The following VEGFC variants were observed in gnomAD, a reference collection of about 807,000 sequenced individuals.
VEGFC encodes the protein FLT4 ligand DHM.
VEGFC carries 12 observed loss-of-function variants against 46.1 expected under a neutral mutation model. The ratio of observed to expected loss-of-function variants is 0.26; its 90% CI spans 0.17 to 0.42. VEGFC has a LOEUF of 0.42. Ranked by LOEUF, VEGFC falls within the 10% of genes least tolerant of loss-of-function variation. VEGFC has a pLI of 1.00. For missense variants in VEGFC, 488 were observed against 529.4 expected (o/e 0.92, Z 0.77); for synonymous variants, 232 against 195.5 (o/e 1.19, Z -1.56).
intron 6 of VEGFC, among the ~76,000 whole-genome samples, chr4:176,685,816 A>G (rs1734032539): frequency 6.6e-6 from 1 of 152,160 alleles, no homozygotes; most frequent in Admixed American, 6.5e-5. Context: ...TTTGCAGTAT[A>G]AGGGAAGAAA....
chr4:176,780,031 G>A (rs1735884738), intron 1 of VEGFC, among the ~76,000 whole-genome samples: 1 of 152,142 alleles, frequency 6.6e-6, no homozygotes, highest in Admixed American at 6.5e-5. Flanking sequence ...GGAACTTGTT[G>A]CAGTTCTTAG....
Position 176,729,733 on chromosome 4 carries a change from T to C in VEGFC, c.161A>G (p.Lys54Arg). Residue 54 changes from lysine (K) to arginine (R), a missense_variant, in exon 2 of 7, where the codon AAA becomes AGA. Lys to Arg is a conservative substitution (Grantham distance 26). Transcript: ENST00000618562. ...DAGEATAYAS[K>R]DLEEQLRSVS... ...AGACCGTAACTGCTCCTCCAGATCT[T>C]TGCTTGCATAAGCCTGTCAAAGAAA... The C allele has an allele frequency of 1.3e-6, 2 of 1,594,030 alleles. No homozygotes were observed. Among genetic ancestry groups the C allele is most frequent in the Non-Finnish European group, 1.7e-6 (2 of 1,170,466 alleles).
chr4:176,741,262 T>G (rs1347636200), intron 1 of VEGFC, among the ~76,000 whole-genome samples: 1 of 152,032 alleles, frequency 6.6e-6, no homozygotes, highest in African/African-American at 2.4e-5. Flanking sequence ...AAAAAAATGT[T>G]TGTGCTAATT....
At position 176,740,117 on chromosome 4, in the gene VEGFC, A is replaced by AAG. The variant is rs1376750027; in HGVS notation, c.148-10372_148-10371insCT. On this transcript the variant is annotated intron_variant, in intron 1 of 6. Coordinates refer to ENST00000618562, the MANE Select transcript of VEGFC (RefSeq NM_005429.5). ...TTCTATACATATATTCTATATATAT[A>AAG]TTCTATATATAGAATATATAACTAT... 3.2e-4 allele frequency among the ~76,000 whole-genome samples: 41 copies of AAG among 126,764 alleles called. 3 individuals carry two copies. The highest frequency in any genetic ancestry group is 1.2e-3 in the African/African-American group (40 of 33,840). 83.2% of individuals were successfully genotyped at this position (126,764 alleles called of 152,430 possible).
At chr4:176,739,188 C>T (rs1380398049) in intron 1 of VEGFC, among the ~76,000 whole-genome samples, 1 of 151,528 alleles carries the variant, frequency 6.6e-6, no homozygotes, top group East Asian at 2.0e-4. Context: ...AAAAAGGAAC[C>T]CTTTACACTG....
intron 1 of VEGFC, among the ~76,000 whole-genome samples, chr4:176,753,055 G>C (rs1735366728): frequency 6.6e-6 from 1 of 152,084 alleles, no homozygotes; most frequent in Non-Finnish European, 1.5e-5. Context: ...CCTACAAGGA[G>C]GAGAAATTTT....
chr4:176,792,073 GCA>G lies in VEGFC; in HGVS notation c.147+90_147+91del. 18 of 1,390,450 alleles carry G rather than the reference GCA, an allele frequency of 1.3e-5. No individual in the cohort carries two copies. In the South Asian group the frequency reaches 3.3e-4, roughly 25 times the overall value. The allele number at this position is 1,390,450 out of a possible 1,614,324, so 86.1% of individuals were successfully genotyped here. On this transcript the variant is annotated intron_variant, in intron 1 of 6. Transcript: ENST00000618562. The surrounding 1 kb of genome is among the most constrained non-coding windows in gnomAD (Gnocchi z 6.3). ...TGGATCCCACGTACACAAGCTTAAA[GCA>G]CACACACTTTCCCCCGCGCAGGTTC...
chr4:176,741,866 TCTC>T (rs570210823), intron 1 of VEGFC, among the ~76,000 whole-genome samples: 167 of 152,098 alleles, frequency 1.1e-3, no homozygotes, highest in Non-Finnish European at 2.1e-3. Flanking sequence ...GTTGTTTTTT[TCTC>T]CTCCTCCTTC....
At chr4:176,706,774 C>G (rs1412264223) in intron 4 of VEGFC, among the ~76,000 whole-genome samples, 2 of 151,958 alleles carry the variant, frequency 1.3e-5, no homozygotes, top group Non-Finnish European at 2.9e-5. Context: ...ATAACATGCT[C>G]CTATTTTGAA....
At chr4:176,691,308 T>G (rs977361465) in intron 4 of VEGFC, among the ~76,000 whole-genome samples, 2 of 152,188 alleles carry the variant, frequency 1.3e-5, no homozygotes, top group Non-Finnish European at 2.9e-5. Flanking sequence ...ACTTTAAAGG[T>G]TTATAATTAT....
chr4:176,727,882 T>C lies in VEGFC; in HGVS notation c.448A>G (p.Thr150Ala). 1.2e-6 allele frequency: 2 copies of C among 1,613,922 alleles called. No homozygotes were observed. Among genetic ancestry groups the C allele is most frequent in the Non-Finnish European group, 8.5e-7 (1 of 1,179,948 alleles). ...GACACACATGGAGGTTTAAAGAAGGTGTTTGTCGCGACTCCAAACTCCTTC... is the reference window on the plus strand; with the variant it reads ...GACACACATGGAGGTTTAAAGAAGGCGTTTGTCGCGACTCCAAACTCCTTC... Reference protein sequence around the residue: ...VGKEFGVATNTFFKPPCVSVY... With the variant: ...VGKEFGVATNAFFKPPCVSVY... Residue 150 changes from threonine (T) to alanine (A), a missense_variant, in exon 3 of 7, where the codon ACC (threonine) becomes GCC (alanine). Transcript: ENST00000618562.
At chr4:176,737,900 C>G (rs146771579) in intron 1 of VEGFC, among the ~76,000 whole-genome samples, 1 of 151,830 alleles carries the variant, frequency 6.6e-6, no homozygotes, top group Non-Finnish European at 1.5e-5. Context: ...TCTTCAGTTG[C>G]TGAATAAAGG....
chr4:176,689,608 T>G (rs1175336241), intron 4 of VEGFC: 1 of 152,250 alleles, frequency 6.6e-6, no homozygotes, highest in Non-Finnish European at 1.5e-5. Flanking sequence ...CAATGACTGA[T>G]TTGACCTTTC....
chr4:176,773,877 T>C (rs1735763992), intron 1 of VEGFC, among the ~76,000 whole-genome samples: 1 of 152,096 alleles, frequency 6.6e-6, no homozygotes, highest in Non-Finnish European at 1.5e-5. Flanking sequence ...TTTATTTTTG[T>C]AGAGATGGGG....
At chr4:176,703,652 T>A (rs1038830751) in intron 4 of VEGFC, among the ~76,000 whole-genome samples, 1 of 152,100 alleles carries the variant, frequency 6.6e-6, no homozygotes, top group East Asian at 1.9e-4. Context: ...AAAGAAATGA[T>A]AAATGTTTGA....
Position 176,729,762 on chromosome 4 carries a change from G to A in VEGFC, c.148-16C>T, listed in dbSNP as rs781587488. ...TTGCATAAGCCTGTCAAAGAAAAATGCAAGATCAATGACTTACCAGCTTAA... is the reference window on the plus strand; with the variant it reads ...TTGCATAAGCCTGTCAAAGAAAAATACAAGATCAATGACTTACCAGCTTAA... On this transcript the variant is annotated splice_polypyrimidine_tract_variant and intron_variant, in intron 1 of 6. Coordinates refer to ENST00000618562, the MANE Select transcript of VEGFC (RefSeq NM_005429.5). 1.9e-5 allele frequency: 30 copies of A among 1,554,788 alleles called. 1 individual carries two copies. The South Asian group carries it at 3.6e-4, about 18-fold the overall frequency.
Position 176,782,104 on chromosome 4 carries a change from G to C in VEGFC, c.147+10061C>G, listed in dbSNP as rs186024182. 3.5e-3 allele frequency among the ~76,000 whole-genome samples: 526 copies of C among 152,270 alleles called. 5 individuals are homozygous for C. Among genetic ancestry groups the C allele is most frequent in the Admixed American group, 7.9e-3 (120 of 15,282 alleles). On this transcript the variant is annotated intron_variant, in intron 1 of 6. Coordinates refer to ENST00000618562, the MANE Select transcript of VEGFC (RefSeq NM_005429.5). ...CAAGACTGTTTCTTCTACATAAAAA[G>C]AATATTAAATAAGCAGTTATTTGAA...
Position 176,787,816 on chromosome 4 carries a change from A to G in VEGFC, c.147+4349T>C, listed in dbSNP as rs370558010. 1.1e-4 allele frequency among the ~76,000 whole-genome samples: 16 copies of G among 152,316 alleles called. 1 individual carries two copies. Among genetic ancestry groups the G allele is most frequent in the African/African-American group, 3.8e-4 (16 of 41,566 alleles). ...TATTTATAGTAAATTTTATAATTAC[A>G]CTATAACTCAAACTCATCAGCATCT... On this transcript the variant is annotated intron_variant, in intron 1 of 6. Transcript: ENST00000618562.
At chr4:176,685,768 T>C (rs971931184) in intron 6 of VEGFC, among the ~76,000 whole-genome samples, 1 of 152,108 alleles carries the variant, frequency 6.6e-6, no homozygotes, top group East Asian at 1.9e-4. Context: ...AATTGGAATA[T>C]AGTTCTTTCT....
Sources: allele counts gnomAD v4.1 joint callset (sites outside exome capture counted in the v4.1 genomes callset), GRCh38; gene constraint gnomAD v4.1.1; non-coding constraint Gnocchi (gnomAD v3.1); transcripts MANE v1.5; gene names NCBI Gene and HGNC (gene_info 2026-07-23, HGNC 2026-07-21).